The following ESYT2 variants were observed in gnomAD, a reference collection of about 807,000 sequenced individuals.
The protein encoded by ESYT2 is extended synaptotagmin-2.
In ESYT2, 54 loss-of-function variants were observed where a neutral mutation model predicts 107.2. The ratio of observed to expected loss-of-function variants is 0.50; its 90% confidence interval spans 0.40 to 0.63. The LOEUF is 0.63. Among genes scored for constraint, ESYT2 ranks in the 30% least tolerant of loss-of-function variants. The pLI is 0.00. For synonymous variants in ESYT2, 491 were observed against 434.1 expected (o/e 1.13, Z -1.63); for missense variants, 1,020 against 1,094.5 (o/e 0.93, Z 0.96).
chr7:158,759,913 T>C, intron 12 of ESYT2, 145 bp downstream of exon 12: 1 of 688,978 alleles, frequency 1.5e-6, no homozygotes, highest in South Asian at 2.0e-5. Context: ...TTATCCCTGA[T>C]GCTACTGTAG....
At chr7:158,781,454 G>C (rs1212087084) in intron 6 of ESYT2, among the ~76,000 whole-genome samples, 1 of 150,654 alleles carries the variant, frequency 6.6e-6, no homozygotes, top group Non-Finnish European at 1.5e-5. Flanking sequence ...ACAAGTGATT[G>C]TGAGAACAAA....
chr7:158,758,044 T>C (rs1837828820), intron 13 of ESYT2, among the ~76,000 whole-genome samples: 1 of 151,636 alleles, frequency 6.6e-6, no homozygotes, highest in Non-Finnish European at 1.5e-5. Context: ...TTGTAACAGG[T>C]AAAGTCACAG....
rs772769764 is a variant in ESYT2 at position 158,829,081 on chromosome 7, G to C, written c.330+8C>G. 6 of 1,584,186 alleles carry C rather than the reference G, an allele frequency of 3.8e-6. No homozygotes were observed. Among genetic ancestry groups the C allele is most frequent in the Admixed American group, 1.7e-5 (1 of 58,952 alleles). The stretch of plus-strand genomic sequence containing the variant: ...CAGGGGTCGGGACGGGCAGGGGTCT[G>C]CACTCACCCAGGCGGGCAGGTCGCA... On this transcript the variant is annotated splice_region_variant and intron_variant, in intron 1 of 22. Transcript: ENST00000275418.
In ESYT2 at chr7:158,806,901, C is replaced by T. The variant is rs529824502; in HGVS notation, c.331-7829G>A. Among the ~76,000 whole-genome samples the T allele has an allele frequency of 3.3e-5, 5 of 152,110 alleles. No individual in the cohort carries two copies. The South Asian group carries it at 6.2e-4, about 19-fold the overall frequency. ...TCAAATATACACGCTTATGTTTTGA[C>T]TGGAATGGATTAAAAGATAGATGGG... On this transcript the variant is annotated intron_variant, in intron 1 of 22. Transcript: ENST00000275418.
chr7:158,786,542 T>G (rs1342202771), intron 6 of ESYT2, among the ~76,000 whole-genome samples: 4 of 152,212 alleles, frequency 2.6e-5, no homozygotes, highest in Non-Finnish European at 4.4e-5. Context: ...GTTCCCATGT[T>G]TCGTGTACTT....
In ESYT2 at chr7:158,734,226, C is replaced by T. The variant is rs778149356; in HGVS notation, c.2582G>A (p.Arg861Lys). 6.2e-6 allele frequency: 10 copies of T among 1,613,976 alleles called. No individual in the cohort carries two copies. In the South Asian group the frequency reaches 1.1e-4, roughly 18 times the overall value. Residue 861 changes from arginine to lysine, a missense_variant, in exon 23 of 23, where the codon AGG (arginine) becomes AAG (lysine). Physicochemically the swap from Arg to Lys is conservative, Grantham distance 26 (BLOSUM62 2). Coordinates refer to ENST00000275418, the MANE Select transcript of ESYT2 (RefSeq NM_001367773.1). ...CTGCGGCTATGTCATCGCCTGAGGCCTCGTCCCATCTTCCGTGAGGTCATA... is the reference window on the plus strand; with the variant it reads ...CTGCGGCTATGTCATCGCCTGAGGCTTCGTCCCATCTTCCGTGAGGTCATA... The part of the protein sequence containing the change: ...QWYDLTEDGT[R>K]PQAMT
intron 5 of ESYT2, 109 bp downstream of exon 5, chr7:158,788,236 G>A: frequency 8.2e-7 from 1 of 1,220,394 alleles, no homozygotes; most frequent in Non-Finnish European, 1.2e-6. Flanking sequence ...GCTAAAAACT[G>A]AACGTCAAAA....
chr7:158,786,947 A>G (rs1038597546), intron 6 of ESYT2, among the ~76,000 whole-genome samples: 4 of 152,334 alleles, frequency 2.6e-5, no homozygotes, highest in Middle Eastern at 3.4e-3. Context: ...AGAAAGTTTC[A>G]CAAAAGTGAA....
intron 3 of ESYT2, 126 bp downstream of exon 3, chr7:158,797,816 T>C: frequency 7.7e-7 from 1 of 1,299,664 alleles, no homozygotes; most frequent in Non-Finnish European, 1.0e-6. Context: ...ATAGTGCCAC[T>C]GCACTCCAGC....
rs1374400340 is a variant in ESYT2 at position 158,829,162 on chromosome 7, C to T, written c.257G>A (p.Arg86His). 6.4e-7 allele frequency: 1 copy of T among 1,553,538 alleles called. No individual in the cohort carries two copies. The highest frequency in any genetic ancestry group is 1.9e-5 in the Admixed American group (1 of 53,612). ...SRGLKALRLC[R>H]ALALLEDEER... ...CTCGTCTTCCAGCAGCGCCAGCGCG[C>T]GGCACAGGCGCAGGGCCTTGAGGCC... Residue 86 changes from arginine (R) to histidine (H), a missense_variant, in exon 1 of 23, where the codon CGC becomes CAC. By Grantham distance (29) the Arg-to-His change is conservative. Coordinates refer to ENST00000275418, the MANE Select transcript of ESYT2 (RefSeq NM_001367773.1).
At chr7:158,767,601 A>C in intron 8 of ESYT2, 53 bp downstream of exon 8, 2 of 1,583,710 alleles carry the variant, frequency 1.3e-6, no homozygotes, top group Non-Finnish European at 1.7e-6. Flanking sequence ...ACCCGCAGGC[A>C]GGCAGGTCTC....
chr7:158,798,903 C>T, intron 2 of ESYT2, 128 bp downstream of exon 2: 2 of 809,672 alleles, frequency 2.5e-6, no homozygotes, highest in Middle Eastern at 4.7e-4. Flanking sequence ...CTTTGGGGAC[C>T]AGAAGCCAAC....
At chr7:158,772,515 C>T (rs569957839) in intron 7 of ESYT2, among the ~76,000 whole-genome samples, 31 of 152,328 alleles carry the variant, frequency 2.0e-4, no homozygotes, top group African/African-American at 7.5e-4. Flanking sequence ...CTTTAACCCA[C>T]AGGTGATATG....
chr7:158,759,512 A>T lies in ESYT2; in HGVS notation c.1393T>A (p.Tyr465Asn). ...GGAAGGTTCCTTGCTGAATCCAAGT[A>T]CAAGATCAGCAATGCAGAGGAAAGA... ...DGLSSALLIL[Y>N]LDSARNLPSN... is the part of the protein sequence containing the mutation. The change falls in exon 13 of 23, where the codon TAC (tyrosine) becomes AAC (asparagine). Residue 465 changes from tyrosine (Y) to asparagine (N), a missense_variant. By Grantham distance (143) the Tyr-to-Asn change is moderately radical (BLOSUM62 -2). Coordinates refer to ENST00000275418, the MANE Select transcript of ESYT2 (RefSeq NM_001367773.1). 1 of 1,611,612 alleles carries T rather than the reference A, an allele frequency of 6.2e-7. No homozygotes were observed. The highest frequency in any genetic ancestry group is 8.5e-7 in the Non-Finnish European group (1 of 1,177,844).
chr7:158,801,406 A>G (rs1295314983), intron 1 of ESYT2, among the ~76,000 whole-genome samples: 4 of 152,254 alleles, frequency 2.6e-5, no homozygotes, highest in African/African-American at 4.8e-5. Flanking sequence ...GAAAGAGAAT[A>G]TATCAGATTT....
At chr7:158,737,732 G>A (rs1426426891) in intron 19 of ESYT2, among the ~76,000 whole-genome samples, 1 of 152,182 alleles carries the variant, frequency 6.6e-6, no homozygotes, top group Non-Finnish European at 1.5e-5. Flanking sequence ...CAAGAGTGAT[G>A]TACTGAACTC....
At chr7:158,790,529 T>TG (rs1395883791) in intron 4 of ESYT2, among the ~76,000 whole-genome samples, 1 of 152,098 alleles carries the variant, frequency 6.6e-6, no homozygotes, top group African/African-American at 2.4e-5. Flanking sequence ...CGAGACCCTA[T>TG]GGGGGGTGTG....
At position 158,818,260 on chromosome 7, in the gene ESYT2, A is replaced by T. The variant is rs149223980; in HGVS notation, c.330+10829T>A. ...CCTGGAAGTGGAGTCAAGAAAGATT[A>T]GCCATGTCCTTGGAACAATATTTGT... is the stretch of plus-strand genomic sequence containing the variant. On this transcript the variant is annotated intron_variant, in intron 1 of 22. Transcript: ENST00000275418. 2.4e-3 allele frequency among the ~76,000 whole-genome samples: 371 copies of T among 152,346 alleles called. 3 individuals are homozygous for T. The highest frequency in any genetic ancestry group is 8.0e-3 in the African/African-American group (333 of 41,560).
At chr7:158,827,986 G>A (rs1171048743) in intron 1 of ESYT2, among the ~76,000 whole-genome samples, 1 of 152,022 alleles carries the variant, frequency 6.6e-6, no homozygotes, top group African/African-American at 2.4e-5. Flanking sequence ...AGAACTGCCG[G>A]GTTAAAAATA....
Sources: allele counts gnomAD v4.1 joint callset (sites outside exome capture counted in the v4.1 genomes callset), GRCh38; gene constraint gnomAD v4.1.1; transcripts MANE v1.5; gene names NCBI Gene and HGNC (gene_info 2026-07-23, HGNC 2026-07-21).